Variants in ATP8A1 observed in about 807,000 individuals in gnomAD.
The protein encoded by ATP8A1 is phospholipid-transporting ATPase IA.
ATP8A1 carries 90 observed loss-of-function variants against 177.7 expected under a neutral mutation model. The ratio of observed to expected loss-of-function variants is 0.51; its 90% confidence interval spans 0.43 to 0.60. The LOEUF (loss-of-function observed/expected upper bound fraction) is 0.60, where lower values mean the gene tolerates loss of function less well. Among genes scored for constraint, ATP8A1 ranks in the 20% least tolerant of loss-of-function variants. ATP8A1 has a pLI of 0.00. For missense variants in ATP8A1, 1,072 were observed against 1,392.8 expected (o/e 0.77, Z 3.67); for synonymous variants, 493 against 485.9 (o/e 1.01, Z -0.19).
At chr4:42,425,436 T>G (rs1223150506) in intron 33 of ATP8A1, among the ~76,000 whole-genome samples, 1 of 152,068 alleles carries the variant, frequency 6.6e-6, no homozygotes, top group Admixed American at 6.6e-5. Context: ...GGGAAAAAAG[T>G]TTTTCTGCGT....
chr4:42,425,368 G>T (rs1334705803), intron 33 of ATP8A1, among the ~76,000 whole-genome samples: 1 of 152,064 alleles, frequency 6.6e-6, no homozygotes, highest in Non-Finnish European at 1.5e-5. Context: ...GGAGTGACTG[G>T]CGCCCCACCA....
chr4:42,581,566 A>G, intron 10 of ATP8A1, 55 bp downstream of exon 10: 2 of 1,278,920 alleles, frequency 1.6e-6, no homozygotes, highest in East Asian at 2.3e-5. Context: ...AGATCTGTAA[A>G]TCATACACTC....
intron 7 of ATP8A1, 106 bp from the exon 8 acceptor site, chr4:42,588,435 G>A: frequency 2.3e-6 from 2 of 858,180 alleles, no homozygotes; most frequent in Admixed American, 2.5e-5. Context: ...TCTAGACAAA[G>A]TAATAGTTAC....
chr4:42,570,512 A>T (rs1473652864), intron 14 of ATP8A1, among the ~76,000 whole-genome samples: 1 of 152,214 alleles, frequency 6.6e-6, no homozygotes, highest in Non-Finnish European at 1.5e-5. Context: ...ACTAGCCCCA[A>T]TCTCATACCA....
intron 22 of ATP8A1, among the ~76,000 whole-genome samples, chr4:42,514,386 A>G (rs1725311589): frequency 6.6e-6 from 1 of 152,232 alleles, no homozygotes; most frequent in African/African-American, 2.4e-5. Context: ...GAAGGAACCT[A>G]TCCTACCAGA....
chr4:42,555,148 A>ATCTC (rs1200795222), intron 16 of ATP8A1, among the ~76,000 whole-genome samples: 1 of 87,462 alleles, frequency 1.1e-5, no homozygotes, highest in Admixed American at 1.1e-4. Context: ...TAATCTATCT[A>ATCTC]TCTATCTATC....
At chr4:42,499,111 C>A (rs1323953183) in intron 24 of ATP8A1, among the ~76,000 whole-genome samples, 1 of 152,170 alleles carries the variant, frequency 6.6e-6, no homozygotes, top group Non-Finnish European at 1.5e-5. Context: ...TAGGTGGTGG[C>A]TCCTGATCAG....
chr4:42,641,010 G>GAAAAA (rs10609874), intron 1 of ATP8A1, among the ~76,000 whole-genome samples: 2 of 123,424 alleles, frequency 1.6e-5, no homozygotes. Flanking sequence ...CCCCTCACCA[G>GAAAAA]AAAAAAAAAA....
At chr4:42,521,299 C>T (rs1023910611) in intron 22 of ATP8A1, among the ~76,000 whole-genome samples, 4 of 152,024 alleles carry the variant, frequency 2.6e-5, no homozygotes, top group Non-Finnish European at 5.9e-5. Flanking sequence ...TCTGGCTCCC[C>T]CTATTAGAAG....
chr4:42,540,470 C>G (rs1196330375), intron 20 of ATP8A1, among the ~76,000 whole-genome samples: 1 of 151,806 alleles, frequency 6.6e-6, no homozygotes, highest in Non-Finnish European at 1.5e-5. Flanking sequence ...AAGGGGATAC[C>G]TGCACTCACA....
chr4:42,635,864 G>A (rs1376643705), intron 1 of ATP8A1, among the ~76,000 whole-genome samples: 1 of 142,108 alleles, frequency 7.0e-6, no homozygotes, highest in African/African-American at 2.6e-5. Context: ...GCTCCTGGAA[G>A]CACATGAAAA....
intron 1 of ATP8A1, among the ~76,000 whole-genome samples, chr4:42,631,398 C>A (rs1738714342): frequency 6.6e-6 from 1 of 152,138 alleles, no homozygotes; most frequent in African/African-American, 2.4e-5. Flanking sequence ...ACTAGAGTAA[C>A]TGAAGTTCCA....
Position 42,555,881 on chromosome 4 carries a change from G to A in ATP8A1, c.1413+87C>T, listed in dbSNP as rs971134329. ...AAAAGATCATGAAAGTAAAAAAAGA[G>A]AAACATGTAAACATAGAAGATAGTT... On this transcript the variant is annotated intron_variant, in intron 16 of 36. Transcript: ENST00000381668. The A allele has an allele frequency of 2.3e-5, 19 of 838,628 alleles. No homozygotes were observed. In the African/African-American group the frequency reaches 2.8e-4, roughly 12 times the overall value. The allele number at this position is 838,628 out of a possible 1,614,324, so 51.9% of individuals were successfully genotyped here.
At chr4:42,544,471 A>C (rs1728695670) in intron 19 of ATP8A1, among the ~76,000 whole-genome samples, 1 of 152,212 alleles carries the variant, frequency 6.6e-6, no homozygotes. Context: ...ATTCACAACT[A>C]GTTTTTCAAT....
chr4:42,414,800 T>G, intron 35 of ATP8A1, 82 bp from the exon 36 acceptor site: 2 of 1,010,888 alleles, frequency 2.0e-6, no homozygotes, highest in Admixed American at 3.5e-5. Flanking sequence ...CCAAAGAGAG[T>G]TAGACTTAAA....
At chr4:42,472,627 C>A (rs1398083014) in intron 25 of ATP8A1, among the ~76,000 whole-genome samples, 5 of 151,688 alleles carry the variant, frequency 3.3e-5, no homozygotes, top group African/African-American at 7.3e-5. Flanking sequence ...GCCCATAATC[C>A]CAGCTACTCG....
chr4:42,467,910 T>C (rs989803266), intron 25 of ATP8A1, among the ~76,000 whole-genome samples: 1 of 152,228 alleles, frequency 6.6e-6, no homozygotes, highest in Non-Finnish European at 1.5e-5. Context: ...TTGTTCTTTG[T>C]TGGATATACA....
At chr4:42,442,553 T>C (rs1162556449) in intron 33 of ATP8A1, among the ~76,000 whole-genome samples, 2 of 152,254 alleles carry the variant, frequency 1.3e-5, no homozygotes, top group African/African-American at 2.4e-5. Flanking sequence ...AGGAAGTATA[T>C]ACTCCTTGAT....
intron 30 of ATP8A1, among the ~76,000 whole-genome samples, chr4:42,450,763 C>T (rs1717852250): frequency 1.3e-5 from 2 of 152,218 alleles, no homozygotes; most frequent in East Asian, 3.8e-4. Flanking sequence ...CTACTACAAG[C>T]TACGCACTGT....
Sources: gnomAD v4.1 joint callset for allele counts (sites outside exome capture counted in the v4.1 genomes callset) on GRCh38, gnomAD v4.1.1 for gene constraint, MANE v1.5 for transcripts, NCBI Gene and HGNC (gene_info 2026-07-23, HGNC 2026-07-21) for gene names.